The following GRID1 variants were observed in gnomAD, a reference collection of about 807,000 sequenced individuals.
GRID1 encodes the protein glutamate receptor ionotropic, delta-1.
GRID1 carries 28 observed loss-of-function variants against 98.0 expected under a neutral mutation model. The observed-to-expected ratio is 0.29, with a 90% CI of 0.21 to 0.39. The LOEUF is 0.39. Among genes scored for constraint, GRID1 ranks in the 10% least tolerant of loss-of-function variants. GRID1 has a pLI of 1.00. For missense variants in GRID1, 1,111 were observed against 1,340.5 expected (o/e 0.83, Z 2.67); for synonymous variants, 553 against 538.5 (o/e 1.03, Z -0.37).
At chr10:86,326,879 T>C (rs1348428471) in intron 2 of GRID1, among the ~76,000 whole-genome samples, 1 of 152,202 alleles carries the variant, frequency 6.6e-6, no homozygotes, top group East Asian at 1.9e-4. Flanking sequence ...TTCGCACCTG[T>C]AATCCCAGTA....
chr10:86,222,624 A>AC (rs1846274857), intron 2 of GRID1, among the ~76,000 whole-genome samples: 1 of 152,138 alleles, frequency 6.6e-6, no homozygotes, highest in Non-Finnish European at 1.5e-5. Flanking sequence ...CAGCCTGGCA[A>AC]CCCAGGGCAG....
chr10:85,935,709 T>C (rs143058150), intron 4 of GRID1, among the ~76,000 whole-genome samples: 250 of 152,336 alleles, frequency 1.6e-3, no homozygotes, highest in African/African-American at 5.7e-3. Flanking sequence ...TGTCAATTCC[T>C]TTAATCCCCT....
At chr10:85,609,969 T>C (rs1842715477) in intron 15 of GRID1, among the ~76,000 whole-genome samples, 1 of 152,184 alleles carries the variant, frequency 6.6e-6, no homozygotes, top group Admixed American at 6.5e-5. Context: ...AGCTGAAATC[T>C]ACATGAATAT....
intron 12 of GRID1, among the ~76,000 whole-genome samples, chr10:85,693,601 A>T (rs1841357507): frequency 6.6e-6 from 1 of 152,210 alleles, no homozygotes; most frequent in Admixed American, 6.5e-5. Flanking sequence ...AGGTCAATGA[A>T]ACAGAATAGA....
At chr10:86,326,448 T>C (rs950192311) in intron 2 of GRID1, among the ~76,000 whole-genome samples, 1 of 152,210 alleles carries the variant, frequency 6.6e-6, no homozygotes, top group African/African-American at 2.4e-5. Flanking sequence ...ATCAAATGTA[T>C]GAAAGTTTGA....
intron 4 of GRID1, among the ~76,000 whole-genome samples, chr10:85,936,613 C>G (rs1841930566): frequency 6.6e-6 from 1 of 152,154 alleles, no homozygotes; most frequent in African/African-American, 2.4e-5. Context: ...TGCATTCTAT[C>G]CAGTTCTGTT....
intron 5 of GRID1, among the ~76,000 whole-genome samples, chr10:85,908,635 C>A (rs1035669647): frequency 6.6e-6 from 1 of 152,276 alleles, no homozygotes; most frequent in Admixed American, 6.5e-5. Context: ...AGATTCACTG[C>A]AATCCCAAAT....
intron 4 of GRID1, among the ~76,000 whole-genome samples, chr10:86,112,860 G>A (rs1450904552): frequency 1.3e-5 from 2 of 152,128 alleles, no homozygotes; most frequent in Non-Finnish European, 2.9e-5. Flanking sequence ...CACAGCCTGG[G>A]GGCTTTGGCT....
intron 4 of GRID1, among the ~76,000 whole-genome samples, chr10:86,008,673 A>C (rs1390714257): frequency 6.6e-6 from 1 of 152,208 alleles, no homozygotes; most frequent in African/African-American, 2.4e-5. Context: ...GATCAGAGAA[A>C]TGCAAATCCA....
At chr10:85,659,791 G>A (rs1185566495) in intron 12 of GRID1, among the ~76,000 whole-genome samples, 1 of 152,204 alleles carries the variant, frequency 6.6e-6, no homozygotes, top group Non-Finnish European at 1.5e-5. Flanking sequence ...TCTGTGCCAT[G>A]TGCTGTTACA....
chr10:86,358,003 C>A (rs902308818), intron 2 of GRID1, among the ~76,000 whole-genome samples: 1 of 152,140 alleles, frequency 6.6e-6, no homozygotes, highest in East Asian at 1.9e-4. Context: ...TGGGTCCAAG[C>A]GGCAGCACCA....
chr10:85,899,686 T>C (rs1342065041), intron 5 of GRID1, among the ~76,000 whole-genome samples: 2 of 152,198 alleles, frequency 1.3e-5, no homozygotes, highest in East Asian at 3.9e-4. Context: ...GGGCAACCCC[T>C]CGGCTTGCTA....
Position 85,724,612 on chromosome 10 carries a change from C to G in GRID1, c.1598G>C (p.Ser533Thr). The G allele has an allele frequency of 6.2e-7, 1 of 1,613,442 alleles. No individual in the cohort carries two copies. Among genetic ancestry groups the G allele is most frequent in the Non-Finnish European group, 8.5e-7 (1 of 1,179,992 alleles). The change falls in exon 11 of 16, where the codon AGC (serine) becomes ACC (threonine). Residue 533 changes from serine to threonine, a missense_variant. Physicochemically the swap from Ser to Thr is moderately conservative, Grantham distance 58. This residue lies in a region of GRID1 where 762 missense variants were observed against 869.1 expected (regional missense o/e 0.88). Coordinates refer to ENST00000327946, the MANE Select transcript of GRID1 (RefSeq NM_017551.3). ...CACTGAATAGTCCATGTACCGCTTG[C>G]TGAAGTCCACAACGCTCTCCCTCTC... ...TPERESVVDF[S>T]KRYMDYSVGI... is the part of the protein sequence containing the mutation.
chr10:86,300,635 T>C (rs1564732993), intron 2 of GRID1, among the ~76,000 whole-genome samples: 1 of 151,432 alleles, frequency 6.6e-6, no homozygotes, highest in Non-Finnish European at 1.5e-5. Flanking sequence ...AGGCTGATCC[T>C]GGCCTGGGAA....
intron 14 of GRID1, among the ~76,000 whole-genome samples, chr10:85,619,469 T>G (rs1305282481): frequency 1.3e-5 from 2 of 152,254 alleles, no homozygotes; most frequent in Non-Finnish European, 2.9e-5. Flanking sequence ...TAATTATTCA[T>G]TTTTCTGGCT....
intron 4 of GRID1, among the ~76,000 whole-genome samples, chr10:86,074,711 C>A (rs545258671): frequency 6.6e-6 from 1 of 152,272 alleles, no homozygotes; most frequent in East Asian, 1.9e-4. Flanking sequence ...GGATAGAACT[C>A]AGCAGTGCTC....
chr10:85,770,874 G>A (rs1040219732), intron 8 of GRID1, among the ~76,000 whole-genome samples: 3 of 152,198 alleles, frequency 2.0e-5, no homozygotes, highest in Non-Finnish European at 4.4e-5. Flanking sequence ...GTGACGGGGA[G>A]AATGGAACCA....
intron 2 of GRID1, among the ~76,000 whole-genome samples, chr10:86,250,173 A>G (rs1377889335): frequency 6.6e-6 from 1 of 152,194 alleles, no homozygotes; most frequent in African/African-American, 2.4e-5. Flanking sequence ...CAGTGGGGAC[A>G]TTGCTTCCAG....
chr10:86,162,500 CTTGT>C (rs1845337597), intron 3 of GRID1, among the ~76,000 whole-genome samples: 2 of 152,202 alleles, frequency 1.3e-5, no homozygotes, highest in African/African-American at 4.8e-5. Context: ...GGCAGCCAAT[CTTGT>C]TTGTCTTCAG....
Sources: allele counts gnomAD v4.1 joint callset (sites outside exome capture counted in the v4.1 genomes callset), GRCh38; gene constraint gnomAD v4.1.1; regional missense constraint gnomAD v4.1.1; transcripts MANE v1.5; gene names NCBI Gene and HGNC (gene_info 2026-07-23, HGNC 2026-07-21).